NLGN1: variants seen among roughly 807,000 people sequenced by gnomAD.
The protein encoded by NLGN1 is neuroligin-1.
In NLGN1, 12 loss-of-function variants were observed where a neutral mutation model predicts 65.5. The ratio of observed to expected loss-of-function variants is 0.18; its 90% CI spans 0.12 to 0.30. The LOEUF is 0.30. Ranked by LOEUF, NLGN1 falls within the 10% of genes least tolerant of loss-of-function variation. NLGN1 has a pLI of 1.00. For missense variants in NLGN1, 750 were observed against 1,007.1 expected (o/e 0.74, Z 3.46); for synonymous variants, 350 against 359.5 (o/e 0.97, Z 0.30).
At chr3:173,773,419 A>C (rs771196388) in intron 3 of NLGN1, among the ~76,000 whole-genome samples, 2 of 152,188 alleles carry the variant, frequency 1.3e-5, no homozygotes, top group Non-Finnish European at 2.9e-5. Context: ...GATTTACACC[A>C]ATGACCTAGC....
intron 2 of NLGN1, among the ~76,000 whole-genome samples, chr3:173,602,153 A>C (rs960203167): frequency 6.6e-6 from 1 of 152,070 alleles, no homozygotes; most frequent in South Asian, 2.1e-4. Flanking sequence ...ATAACTGTTG[A>C]ATCCACTTCA....
intron 4 of NLGN1, among the ~76,000 whole-genome samples, chr3:173,974,607 A>C (rs569061658): frequency 1.1e-4 from 16 of 152,190 alleles, no homozygotes; most frequent in Admixed American, 2.6e-4. Context: ...CATATGAATA[A>C]AATATTTGAA....
At chr3:173,888,449 A>G (rs1354582225) in intron 4 of NLGN1, among the ~76,000 whole-genome samples, 2 of 151,876 alleles carry the variant, frequency 1.3e-5, no homozygotes, top group Admixed American at 1.3e-4. Context: ...TTTTATTGTT[A>G]TTTTTTATTC....
At chr3:173,829,864 T>C (rs568957928) in intron 4 of NLGN1, among the ~76,000 whole-genome samples, 6 of 152,180 alleles carry the variant, frequency 3.9e-5, no homozygotes, top group African/African-American at 1.4e-4. Flanking sequence ...AGCATAGCCA[T>C]GTCTAAAAGG....
intron 2 of NLGN1, among the ~76,000 whole-genome samples, chr3:173,477,960 G>T (rs958788068): frequency 1.3e-5 from 2 of 152,168 alleles, no homozygotes; most frequent in African/African-American, 4.8e-5. Flanking sequence ...TGGTGTGAAT[G>T]TAAATTAGTT....
chr3:173,932,312 G>T lies in NLGN1; in HGVS notation c.646+124480G>T, dbSNP rs550893053. ...TAGTTTTCAGTTTTTTCCTTAAGTT[G>T]CTTCATAAGAAATAAATTAATCTAT... On this transcript the variant is annotated intron_variant, in intron 4 of 6. Coordinates refer to ENST00000457714, the Ensembl canonical transcript of NLGN1. Among the ~76,000 whole-genome samples, 116 of 152,038 alleles carry T rather than the reference G, an allele frequency of 7.6e-4. 1 individual carries two copies. In the Middle Eastern group the frequency reaches 0.01, roughly 13 times the overall value.
chr3:173,773,270 G>T (rs1779846386), intron 3 of NLGN1, among the ~76,000 whole-genome samples: 1 of 152,108 alleles, frequency 6.6e-6, no homozygotes, highest in Non-Finnish European at 1.5e-5. Flanking sequence ...TCCCTCTGTG[G>T]GGAGGGGAAG....
At chr3:174,281,142 G>A (rs754032397) in exon 7 of NLGN1, 9 of 1,613,214 alleles carry the variant, frequency 5.6e-6, no homozygotes, top group Non-Finnish European at 7.6e-6. Context: ...GAGGTCACCT[G>A]ATGATGTTCC....
At chr3:173,834,282 A>T (rs946087423) in intron 4 of NLGN1, among the ~76,000 whole-genome samples, 4 of 152,086 alleles carry the variant, frequency 2.6e-5, no homozygotes, top group Admixed American at 6.5e-5. Context: ...ATACATTTTG[A>T]TGGTGGGCAT....
intron 3 of NLGN1, among the ~76,000 whole-genome samples, chr3:173,676,582 T>C (rs935129756): frequency 5.9e-5 from 9 of 152,168 alleles, no homozygotes; most frequent in African/African-American, 2.2e-4. Flanking sequence ...TTTGATGTAC[T>C]TTTTGTATAA....
chr3:173,878,135 G>A (rs1019978888), intron 4 of NLGN1, among the ~76,000 whole-genome samples: 6 of 151,888 alleles, frequency 4.0e-5, no homozygotes, highest in Non-Finnish European at 7.4e-5. Flanking sequence ...TCTGCCTCCC[G>A]GGTTCAAGCG....
chr3:173,489,817 C>G lies in NLGN1; in HGVS notation c.-321+54739C>G, dbSNP rs1194667461. ...TGGTATCTCATTGTGGTTTTGTTTTCCATTTCTCTGATGGCCAGTGATGAT... is the reference window on the plus strand; with the variant it reads ...TGGTATCTCATTGTGGTTTTGTTTTGCATTTCTCTGATGGCCAGTGATGAT... On this transcript the variant is annotated intron_variant, in intron 2 of 6. Transcript: ENST00000457714. Among the ~76,000 whole-genome samples the G allele has an allele frequency of 2.5e-3, 372 of 150,092 alleles. 2 individuals are homozygous for G. The highest frequency in any genetic ancestry group is 8.8e-3 in the African/African-American group (346 of 39,540).
chr3:174,198,287 G>A (rs1283397937), intron 4 of NLGN1, among the ~76,000 whole-genome samples: 3 of 152,134 alleles, frequency 2.0e-5, no homozygotes, highest in African/African-American at 7.2e-5. Flanking sequence ...TAAAGCTCAG[G>A]GAGATAAATT....
intron 4 of NLGN1, among the ~76,000 whole-genome samples, chr3:174,096,932 A>AAAAT (rs1197234898): frequency 3.3e-5 from 5 of 152,116 alleles, no homozygotes; most frequent in Non-Finnish European, 7.4e-5. Context: ...GAAATTTAAG[A>AAAAT]AAATAAATAA....
At chr3:174,273,790 A>G (rs1231002535) in intron 4 of NLGN1, among the ~76,000 whole-genome samples, 3 of 151,696 alleles carry the variant, frequency 2.0e-5, no homozygotes, top group Non-Finnish European at 4.4e-5. Context: ...TTGTAGGAAA[A>G]GAATAACTAA....
the NLGN1 span, among the ~76,000 whole-genome samples, chr3:174,294,160 T>G: frequency 1.3e-5 from 2 of 151,842 alleles, no homozygotes; most frequent in Non-Finnish European, 2.9e-5. Flanking sequence ...TTTTTATATT[T>G]TCCATTTCAA....
intron 4 of NLGN1, among the ~76,000 whole-genome samples, chr3:173,944,500 T>G (rs1746803322): frequency 6.6e-6 from 1 of 152,090 alleles, no homozygotes; most frequent in African/African-American, 2.4e-5. Flanking sequence ...GGATGAAATG[T>G]TACCAGTCAG....
At chr3:173,686,105 A>G (rs1764646979) in intron 3 of NLGN1, among the ~76,000 whole-genome samples, 1 of 152,170 alleles carries the variant, frequency 6.6e-6, no homozygotes, top group Non-Finnish European at 1.5e-5. Flanking sequence ...CAAGGCAAGA[A>G]CTTGTTATTT....
intron 2 of NLGN1, among the ~76,000 whole-genome samples, chr3:173,577,126 T>A (rs996230932): frequency 6.6e-6 from 1 of 152,232 alleles, no homozygotes; most frequent in African/African-American, 2.4e-5. Context: ...TCAAATATAC[T>A]GTAGTTGTTT....
Sources: gnomAD v4.1 joint callset for allele counts (sites outside exome capture counted in the v4.1 genomes callset) on GRCh38, gnomAD v4.1.1 for gene constraint, MANE v1.5 for transcripts, NCBI Gene and HGNC (gene_info 2026-07-23, HGNC 2026-07-21) for gene names.